The following LDB2 variants were observed in gnomAD, a reference collection of about 807,000 sequenced individuals.
LDB2 encodes the protein LIM domain-binding protein 2.
Under a neutral mutation model 44.3 loss-of-function variants are expected in LDB2, and 12 were observed. That is an observed-to-expected ratio of 0.27 (90% confidence interval 0.17 to 0.44). The LOEUF (loss-of-function observed/expected upper bound fraction) is 0.44. Among genes scored for constraint, LDB2 ranks in the 20% least tolerant of loss-of-function variants. The pLI, the probability that LDB2 is intolerant of heterozygous loss-of-function variation, is 1.00. For missense variants in LDB2, 344 were observed against 473.5 expected (o/e 0.73, Z 2.54); for synonymous variants, 164 against 174.8 (o/e 0.94, Z 0.49).
At chr4:16,690,459 CAGGA>C (rs768921074) in intron 2 of LDB2, among the ~76,000 whole-genome samples, 7 of 50,302 alleles carry the variant, frequency 1.4e-4, no homozygotes, top group Non-Finnish European at 1.8e-4. Flanking sequence ...GAAGACCCTG[CAGGA>C]AGGAAGGAAG....
intron 2 of LDB2, among the ~76,000 whole-genome samples, chr4:16,742,368 C>T (rs552123342): frequency 1.3e-5 from 2 of 152,290 alleles, no homozygotes; most frequent in South Asian, 4.1e-4. Context: ...CCGCGCCCAG[C>T]CAACACATTT....
chr4:16,777,264 T>A (rs1772136145), intron 1 of LDB2, among the ~76,000 whole-genome samples: 1 of 151,956 alleles, frequency 6.6e-6, no homozygotes, highest in African/African-American at 2.4e-5. Flanking sequence ...CATACGGTGT[T>A]AGGGGAGAGG....
intron 4 of LDB2, among the ~76,000 whole-genome samples, chr4:16,586,528 A>AC (rs1560554620): frequency 0.033 from 2,312 of 69,224 alleles, 51 homozygotes; most frequent in African/African-American, 0.086. Flanking sequence ...ACACACACAA[A>AC]ACACACACAC....
At chr4:16,565,693 A>G (rs183073455) in intron 5 of LDB2, among the ~76,000 whole-genome samples, 21 of 152,128 alleles carry the variant, frequency 1.4e-4, no homozygotes, top group Admixed American at 1.3e-3. Context: ...GACTTAGTAA[A>G]ATCATTGTTA....
intron 2 of LDB2, among the ~76,000 whole-genome samples, chr4:16,611,833 G>C (rs537675374): frequency 6.6e-6 from 1 of 152,028 alleles, no homozygotes; most frequent in Admixed American, 6.6e-5. Flanking sequence ...AGGATATCCA[G>C]GACTTTTACT....
chr4:16,854,884 GC>G (rs1451364857), intron 1 of LDB2, among the ~76,000 whole-genome samples: 1 of 151,876 alleles, frequency 6.6e-6, no homozygotes, highest in Non-Finnish European at 1.5e-5. Context: ...TTTAAGCTTT[GC>G]CCTATTGGTG....
At chr4:16,586,450 G>A (rs574639403) in intron 4 of LDB2, among the ~76,000 whole-genome samples, 1 of 150,928 alleles carries the variant, frequency 6.6e-6, no homozygotes, top group East Asian at 2.0e-4. Context: ...GCTTGGGGTT[G>A]AGGGCTGTAT....
At chr4:16,540,551 G>T (rs2152323411) in intron 5 of LDB2, among the ~76,000 whole-genome samples, 1 of 152,074 alleles carries the variant, frequency 6.6e-6, no homozygotes, top group East Asian at 1.9e-4. Context: ...AGCCTCATTG[G>T]ACCACTTAGA....
intron 1 of LDB2, among the ~76,000 whole-genome samples, chr4:16,871,046 C>G (rs1716423507): frequency 6.6e-6 from 1 of 152,204 alleles, no homozygotes; most frequent in African/African-American, 2.4e-5. Flanking sequence ...TGTTGCAGCT[C>G]TCCTATTGCT....
At chr4:16,867,546 G>A (rs954298772) in intron 1 of LDB2, among the ~76,000 whole-genome samples, 3 of 152,080 alleles carry the variant, frequency 2.0e-5, no homozygotes, top group African/African-American at 7.2e-5. Flanking sequence ...GAACCACTAA[G>A]GTACAGGATA....
At chr4:16,569,660 C>CTCCA (rs1175768781) in intron 5 of LDB2, among the ~76,000 whole-genome samples, 4 of 152,132 alleles carry the variant, frequency 2.6e-5, no homozygotes, top group African/African-American at 4.8e-5. Context: ...GCCTCCATCC[C>CTCCA]TCCATCCATC....
At chr4:16,677,579 C>G (rs979690830) in intron 2 of LDB2, among the ~76,000 whole-genome samples, 1 of 152,182 alleles carries the variant, frequency 6.6e-6, no homozygotes, top group Non-Finnish European at 1.5e-5. Context: ...CAAGACCCCT[C>G]CTTGGGAAAG....
rs188160770 is a variant in LDB2 at position 16,568,878 on chromosome 4, C to T, written c.615+17044G>A. Among the ~76,000 whole-genome samples, 27 of 152,344 alleles carry T rather than the reference C, an allele frequency of 1.8e-4. No individual in the cohort carries two copies. In the East Asian group the frequency reaches 4.2e-3, roughly 24 times the overall value. ...ATTGACAAAGGATAAGACCCACTGT[C>T]GAAGCCTGACCCCTCTTCAACAGTC... is the stretch of plus-strand genomic sequence containing the variant. On this transcript the variant is annotated intron_variant, in intron 5 of 7. Transcript: ENST00000304523.
intron 1 of LDB2, among the ~76,000 whole-genome samples, chr4:16,859,371 C>T (rs543515402): frequency 3.0e-4 from 45 of 152,322 alleles, no homozygotes; most frequent in Admixed American, 2.6e-3. Context: ...GTTTCAATCA[C>T]GTGCACCTTA....
intron 1 of LDB2, among the ~76,000 whole-genome samples, chr4:16,779,859 A>G (rs79964350): frequency 6.6e-6 from 1 of 152,232 alleles, no homozygotes; most frequent in East Asian, 1.9e-4. Context: ...GCAAGTAGAA[A>G]TATAATTTGA....
intron 1 of LDB2, among the ~76,000 whole-genome samples, chr4:16,766,232 T>C (rs936001239): frequency 1.3e-5 from 2 of 152,068 alleles, no homozygotes; most frequent in African/African-American, 4.8e-5. Flanking sequence ...TCTTTTATAT[T>C]AATATACATG....
chr4:16,742,272 A>G (rs548086276), intron 2 of LDB2, among the ~76,000 whole-genome samples: 2 of 151,908 alleles, frequency 1.3e-5, no homozygotes, highest in East Asian at 1.9e-4. Context: ...GGGCTTCACC[A>G]TGTTGGCCAG....
chr4:16,746,322 AT>A lies in LDB2; in HGVS notation c.235+12835del, dbSNP rs375340123. ...AAGAACCAACTACGTGTCTGACTCC[AT>A]TTTTTTGGCAAATTATAATATCACA... On this transcript the variant is annotated intron_variant, in intron 2 of 7. Transcript: ENST00000304523. Among the ~76,000 whole-genome samples, 32 of 152,286 alleles carry A rather than the reference AT, an allele frequency of 2.1e-4. No individual in the cohort carries two copies. In the East Asian group the frequency reaches 6.0e-3, roughly 28 times the overall value.
chr4:16,668,846 C>T (rs1054652655), intron 2 of LDB2, among the ~76,000 whole-genome samples: 13 of 152,218 alleles, frequency 8.5e-5, no homozygotes, highest in African/African-American at 2.7e-4. Flanking sequence ...TTCATTTTGA[C>T]CTCCTCTAAG....
Sources: allele counts gnomAD v4.1 joint callset (sites outside exome capture counted in the v4.1 genomes callset), GRCh38; gene constraint gnomAD v4.1.1; transcripts MANE v1.5; gene names NCBI Gene and HGNC (gene_info 2026-07-23, HGNC 2026-07-21).